GRIN2A: variants seen among roughly 807,000 people sequenced by gnomAD.
GRIN2A encodes the protein glutamate ionotropic receptor NMDA type subunit 2A.
Under a neutral mutation model 113.4 loss-of-function variants are expected in GRIN2A, and 22 were observed. The ratio of observed to expected loss-of-function variants is 0.19; its 90% CI spans 0.14 to 0.28. The LOEUF (loss-of-function observed/expected upper bound fraction) is 0.28. Among genes scored for constraint, GRIN2A ranks in the 10% least tolerant of loss-of-function variants. The pLI is 1.00. For synonymous variants in GRIN2A, 827 were observed against 738.4 expected (o/e 1.12, Z -1.94); for missense variants, 1,502 against 1,887.0 (o/e 0.80, Z 3.78).
At chr16:10,091,928 T>C (rs1009584350) in intron 2 of GRIN2A, among the ~76,000 whole-genome samples, 11 of 152,306 alleles carry the variant, frequency 7.2e-5, no homozygotes, top group Middle Eastern at 3.4e-3. Flanking sequence ...TGTTCTAAAA[T>C]TTATTTGGGG....
intron 4 of GRIN2A, among the ~76,000 whole-genome samples, chr16:9,888,268 T>C (rs750970505): frequency 3.9e-5 from 6 of 152,206 alleles, no homozygotes; most frequent in Non-Finnish European, 5.9e-5. Context: ...ACAGTGTCTT[T>C]AGATGAGCAA....
Position 9,763,226 on chromosome 16 carries a change from A to G in GRIN2A, c.4318T>C (p.Ser1440Pro), listed in dbSNP as rs1596373985. ...CAGGAATTTAAAACCCTGGGGGTAG[A>G]GTACATATTATTCTTATTTGCAGCA... ...PYAANKNNMY[S>P]TPRVLNSCSN... Residue 1440 changes from serine to proline, a missense_variant, in exon 13 of 13, where the codon TCT becomes CCT. Ser to Pro is a moderately conservative substitution (Grantham distance 74). This residue lies in a region of GRIN2A where 832 missense variants were observed against 789.7 expected (regional missense o/e 1.05). Coordinates refer to ENST00000330684, the MANE Select transcript of GRIN2A (RefSeq NM_001134407.3). 1.2e-6 allele frequency: 2 copies of G among 1,613,970 alleles called. No homozygotes were observed. The highest frequency in any genetic ancestry group is 3.3e-5 in the Admixed American group (2 of 60,028).
chr16:9,958,350 G>C lies in GRIN2A; in HGVS notation c.415-19799C>G, dbSNP rs373777756. On this transcript the variant is annotated intron_variant, in intron 2 of 12. Transcript: ENST00000330684. ...GATGTGGGCAATGTTGGTCTTCTGAGATCATCTTTCTTGGCAAACCAGACC... is the reference window on the plus strand; with the variant it reads ...GATGTGGGCAATGTTGGTCTTCTGACATCATCTTTCTTGGCAAACCAGACC... Among the ~76,000 whole-genome samples, 7 of 152,152 alleles carry C rather than the reference G, an allele frequency of 4.6e-5. No homozygotes were observed. The South Asian group carries it at 1.2e-3, about 27-fold the overall frequency.
chr16:9,959,021 C>T (rs2045370829), intron 2 of GRIN2A, among the ~76,000 whole-genome samples: 1 of 152,180 alleles, frequency 6.6e-6, no homozygotes, highest in African/African-American at 2.4e-5. Context: ...TCAGCTTATG[C>T]CCCAAATTTT....
chr16:9,885,689 C>T lies in GRIN2A; in HGVS notation c.1122+5297G>A, dbSNP rs942292747. Among the ~76,000 whole-genome samples, 27 of 152,214 alleles carry T rather than the reference C, an allele frequency of 1.8e-4. No homozygotes were observed. In the South Asian group the frequency reaches 2.3e-3, roughly 13 times the overall value. ...ACAGCTCCCTCCTCAGCAGTCTTTC[C>T]CCTCTGCTGACCTGCTGTACCAGCG... is the stretch of plus-strand genomic sequence containing the variant. On this transcript the variant is annotated intron_variant, in intron 4 of 12. Transcript: ENST00000330684.
chr16:9,757,402 A>ATT lies in GRIN2A; in HGVS notation c.*5745_*5746dup. On this transcript the variant is annotated 3_prime_UTR_variant, in exon 13 of 13. Transcript: ENST00000330684. The stretch of plus-strand genomic sequence containing the variant: ...AAAGGTATGCTCATAGAATCAGATT[A>ATT]TTTTTTTTTTCCTGGCTACAACTTT... 2 of 206,392 alleles carry ATT rather than the reference A, an allele frequency of 9.7e-6. No homozygotes were observed. The highest frequency in any genetic ancestry group is 9.6e-6 in the Non-Finnish European group (1 of 104,124). 12.8% of individuals were successfully genotyped at this position (206,392 alleles called of 1,614,324 possible).
intron 2 of GRIN2A, among the ~76,000 whole-genome samples, 174 bp from the exon 3 acceptor site, chr16:9,938,725 A>G (rs895541476): frequency 6.6e-6 from 1 of 152,214 alleles, no homozygotes; most frequent in African/African-American, 2.4e-5. Context: ...CAGAGAGGAC[A>G]GAAGCCCCTG....
intron 2 of GRIN2A, among the ~76,000 whole-genome samples, chr16:10,118,388 C>T (rs1378652618): frequency 6.6e-6 from 1 of 152,144 alleles, no homozygotes; most frequent in African/African-American, 2.4e-5. Context: ...TTTTCCCGCC[C>T]CGATACTTGC....
chr16:9,868,842 A>G (rs1288812689), intron 4 of GRIN2A, among the ~76,000 whole-genome samples: 2 of 152,204 alleles, frequency 1.3e-5, no homozygotes, highest in Non-Finnish European at 1.5e-5. Context: ...TCTCAGTGCC[A>G]GGTTTCAACA....
At chr16:10,038,360 G>C (rs1274753803) in intron 2 of GRIN2A, among the ~76,000 whole-genome samples, 1 of 152,078 alleles carries the variant, frequency 6.6e-6, no homozygotes, top group East Asian at 1.9e-4. Flanking sequence ...TCAAACCACA[G>C]CACTTTTCCT....
At chr16:10,164,540 C>T (rs919125813) in intron 2 of GRIN2A, among the ~76,000 whole-genome samples, 2 of 152,102 alleles carry the variant, frequency 1.3e-5, no homozygotes, top group Non-Finnish European at 1.5e-5. Context: ...CAGTGGGGTC[C>T]CACAGAATGA....
chr16:10,133,795 G>T (rs768460375), intron 2 of GRIN2A, among the ~76,000 whole-genome samples: 5 of 152,086 alleles, frequency 3.3e-5, no homozygotes, highest in Non-Finnish European at 7.4e-5. Context: ...TGCAATTGTG[G>T]AACAGGCATG....
In GRIN2A at chr16:10,065,684, G is replaced by A. The variant is rs543222010; in HGVS notation, c.414+114314C>T. On this transcript the variant is annotated intron_variant, in intron 2 of 12. Coordinates refer to ENST00000330684, the MANE Select transcript of GRIN2A (RefSeq NM_001134407.3). ...GTTCTTGACTTGTAGCGTGTGCTCA[G>A]TAGTGTTAATAATTATGGAAGAGCT... 2.0e-5 allele frequency among the ~76,000 whole-genome samples: 3 copies of A among 152,332 alleles called. No individual in the cohort carries two copies. The East Asian group carries it at 5.8e-4, about 29-fold the overall frequency.
intron 3 of GRIN2A, among the ~76,000 whole-genome samples, chr16:9,898,064 TTTTTTTTTTTTG>T (rs2043842064): frequency 7.1e-6 from 1 of 140,210 alleles, no homozygotes; most frequent in Non-Finnish European, 1.5e-5. Context: ...CTTTTTTTTT[TTTTTTTTTTTTG>T]CAAAAATGGA....
intron 10 of GRIN2A, among the ~76,000 whole-genome samples, chr16:9,813,050 T>C (rs1005787324): frequency 6.6e-6 from 1 of 152,246 alleles, no homozygotes; most frequent in African/African-American, 2.4e-5. Context: ...TGAGGGATGC[T>C]ACAGGACGAC....
chr16:9,874,632 G>C (rs1057214882), intron 4 of GRIN2A, among the ~76,000 whole-genome samples: 6 of 152,154 alleles, frequency 3.9e-5, no homozygotes, highest in African/African-American at 1.4e-4. Context: ...GAAACAAAAT[G>C]GACTTTGCAG....
intron 4 of GRIN2A, among the ~76,000 whole-genome samples, chr16:9,871,348 G>A (rs1270472580): frequency 6.6e-6 from 1 of 150,802 alleles, no homozygotes; most frequent in Non-Finnish European, 1.5e-5. Flanking sequence ...ACTCCTTGAA[G>A]ACACTTGTCT....
At chr16:10,125,742 C>A (rs2048920701) in intron 2 of GRIN2A, among the ~76,000 whole-genome samples, 3 of 152,174 alleles carry the variant, frequency 2.0e-5, no homozygotes, top group African/African-American at 7.2e-5. Context: ...CTTGCCTACC[C>A]TGGGAAAGTG....
At chr16:9,969,102 T>G (rs975153252) in intron 2 of GRIN2A, among the ~76,000 whole-genome samples, 1 of 152,228 alleles carries the variant, frequency 6.6e-6, no homozygotes, top group African/African-American at 2.4e-5. Context: ...ACATTTCAGG[T>G]CACACTAGCC....
Sources: allele counts gnomAD v4.1 joint callset (sites outside exome capture counted in the v4.1 genomes callset), GRCh38; gene constraint gnomAD v4.1.1; regional missense constraint gnomAD v4.1.1; transcripts MANE v1.5; gene names NCBI Gene and HGNC (gene_info 2026-07-23, HGNC 2026-07-21).